PMS1: variants seen among roughly 807,000 people sequenced by gnomAD.
PMS1 encodes the protein PMS1 protein homolog 1.
In PMS1, 79 loss-of-function variants were observed where a neutral mutation model predicts 93.1. The observed-to-expected ratio is 0.85, with a 90% CI of 0.71 to 1.02. The LOEUF (loss-of-function observed/expected upper bound fraction) is 1.02, where lower values mean the gene tolerates loss of function less well. Among genes scored for constraint, PMS1 ranks in the 50% least tolerant of loss-of-function variants. PMS1 has a pLI of 0.00. For synonymous variants in PMS1, 335 were observed against 363.4 expected (o/e 0.92, Z 0.89); for missense variants, 1,064 against 1,085.3 (o/e 0.98, Z 0.28).
At chr2:189,860,248 C>CA (rs1472342040) in intron 9 of PMS1, among the ~76,000 whole-genome samples, 1 of 152,218 alleles carries the variant, frequency 6.6e-6, no homozygotes, top group East Asian at 1.9e-4. Context: ...TCTCCACAGG[C>CA]AGCCACTCTT....
rs780079764 is a variant in PMS1 at position 189,852,776 on chromosome 2, A to C, written c.821A>C (p.Lys274Thr). The C allele has an allele frequency of 6.3e-7, 1 of 1,579,550 alleles. No homozygotes were observed. Among genetic ancestry groups the C allele is most frequent in the Non-Finnish European group, 8.7e-7 (1 of 1,148,986 alleles). Residue 274 changes from lysine (K) to threonine (T), a missense_variant and splice_region_variant, in exon 7 of 13, where the codon AAG becomes ACG. Physicochemically the swap from Lys to Thr is moderately conservative, Grantham distance 78. Transcript: ENST00000441310. The part of the protein sequence containing the change: ...SRPVHQKDIL[K>T]LIRHHYNLKC... ...CCAGTACATCAAAAAGATATCTTAA[A>C]GGTAGTATGCTTTAGAAAAAAAAAA...
chr2:189,794,804 GA>G (rs1171594520), intron 2 of PMS1, among the ~76,000 whole-genome samples: 1 of 152,062 alleles, frequency 6.6e-6, no homozygotes, highest in African/African-American at 2.4e-5. Context: ...TTGAGATTTT[GA>G]AAAGATTTTC....
At chr2:189,866,449 C>G (rs1159303527) in intron 10 of PMS1, among the ~76,000 whole-genome samples, 2 of 152,066 alleles carry the variant, frequency 1.3e-5, no homozygotes, top group African/African-American at 4.8e-5. Flanking sequence ...ATCCCCATCA[C>G]AGTTAATGAT....
At chr2:189,795,690 C>A (rs1413467477) in intron 2 of PMS1, 79 bp from the exon 3 acceptor site, 35 of 1,143,926 alleles carry the variant, frequency 3.1e-5, no homozygotes, top group Non-Finnish European at 3.9e-5. Flanking sequence ...TGTCAAAATT[C>A]TTTCACTTGT....
In PMS1 at chr2:189,800,755, C is replaced by T. The variant is rs914594172; in HGVS notation, c.315+4804C>T. Among the ~76,000 whole-genome samples, 6 of 152,104 alleles carry T rather than the reference C, an allele frequency of 3.9e-5. No homozygotes were observed. In the South Asian group the frequency reaches 1.2e-3, roughly 32 times the overall value. Reference sequence around the variant, plus strand: ...GTAAACCATCCTAGGCTCAGTGGATCGATATGTAATTGGGCACACTATTAA... The same window carrying T: ...GTAAACCATCCTAGGCTCAGTGGATTGATATGTAATTGGGCACACTATTAA... On this transcript the variant is annotated intron_variant, in intron 3 of 12. Transcript: ENST00000441310.
At chr2:189,805,285 CA>C (rs1292494836) in intron 3 of PMS1, among the ~76,000 whole-genome samples, 12 of 152,144 alleles carry the variant, frequency 7.9e-5, no homozygotes, top group Middle Eastern at 3.4e-3. Context: ...CATTTACCAA[CA>C]AATTTATGGA....
chr2:189,862,648 T>C (rs2056141503), intron 9 of PMS1, among the ~76,000 whole-genome samples: 1 of 152,230 alleles, frequency 6.6e-6, no homozygotes, highest in Non-Finnish European at 1.5e-5. Context: ...TACTGACAGA[T>C]CACCTTGAGC....
chr2:189,841,294 T>G (rs1368272094), intron 5 of PMS1, among the ~76,000 whole-genome samples: 1 of 152,188 alleles, frequency 6.6e-6, no homozygotes, highest in Non-Finnish European at 1.5e-5. Flanking sequence ...AGAATAAGGT[T>G]TTCATAAATT....
chr2:189,852,781 G>C lies in PMS1; in HGVS notation c.822+4G>C, dbSNP rs2054879672. 6.4e-7 allele frequency: 1 copy of C among 1,569,120 alleles called. No individual in the cohort carries two copies. The highest frequency in any genetic ancestry group is 8.8e-7 in the Non-Finnish European group (1 of 1,140,578). ...ACATCAAAAAGATATCTTAAAGGTA[G>C]TATGCTTTAGAAAAAAAAAATTATT... On this transcript the variant is annotated splice_donor_region_variant and intron_variant, in intron 7 of 12. Coordinates refer to ENST00000441310, the MANE Select transcript of PMS1 (RefSeq NM_000534.5).
chr2:189,786,966 T>C (rs2048404273), intron 1 of PMS1, among the ~76,000 whole-genome samples: 1 of 152,086 alleles, frequency 6.6e-6, no homozygotes, highest in African/African-American at 2.4e-5. Context: ...GGCAGGAGAA[T>C]CGCTTGAACC....
intron 9 of PMS1, among the ~76,000 whole-genome samples, chr2:189,859,247 C>G (rs535487278): frequency 1.1e-3 from 173 of 152,250 alleles, no homozygotes; most frequent in African/African-American, 4.0e-3. Context: ...ATTCTAAGTA[C>G]TTGGCACACT....
rs760761733 is a variant in PMS1 at position 189,818,169 on chromosome 2, G to T, written c.571G>T (p.Val191Leu). 4 of 1,588,382 alleles carry T rather than the reference G, an allele frequency of 2.5e-6. 1 individual carries two copies. The South Asian group carries it at 4.4e-5, about 18-fold the overall frequency. Residue 191 changes from valine (V) to leucine (L), a missense_variant, in exon 5 of 13, where the codon GTA (valine) becomes TTA (leucine). Transcript: ENST00000441310. Reference protein sequence around the residue: ...ILKPDLRIVFVHNKAVIWQKS... With the variant: ...ILKPDLRIVFLHNKAVIWQKS... ...TAAACCTGACTTAAGGATTGTCTTT[G>T]TACATAACAAGGTAAACATTATTTT...
chr2:189,871,221 G>A (rs1227525640), intron 11 of PMS1, among the ~76,000 whole-genome samples: 1 of 152,116 alleles, frequency 6.6e-6, no homozygotes, highest in African/African-American at 2.4e-5. Flanking sequence ...AAGGGCAGAG[G>A]TGTCCAATCT....
intron 4 of PMS1, 69 bp downstream of exon 4, chr2:189,805,823 A>AT: frequency 5.6e-6 from 9 of 1,594,398 alleles, no homozygotes; most frequent in Non-Finnish European, 6.9e-6. Context: ...TAAAAAAAAA[A>AT]AGTTACTCGG....
intron 12 of PMS1, among the ~76,000 whole-genome samples, chr2:189,875,922 C>G (rs2106555433): frequency 7.1e-6 from 1 of 140,088 alleles, no homozygotes; most frequent in Admixed American, 7.3e-5. Flanking sequence ...GCACACTGCA[C>G]TCCAGCCTGG....
At chr2:189,826,750 A>G (rs1396612212) in intron 5 of PMS1, among the ~76,000 whole-genome samples, 4 of 151,912 alleles carry the variant, frequency 2.6e-5, no homozygotes, top group African/African-American at 7.3e-5. Flanking sequence ...TTTCTTTCCT[A>G]TTTGACAGCC....
rs553932162 is a variant in PMS1 at position 189,840,311 on chromosome 2, C to T, written c.583-3653C>T. ...AAGTGAGGTGCAGAAACAGCTGGAT[C>T]GGTTATAACTTAGTGTTTGCCTTAT... On this transcript the variant is annotated intron_variant, in intron 5 of 12. Transcript: ENST00000441310. 3.1e-4 allele frequency among the ~76,000 whole-genome samples: 47 copies of T among 152,236 alleles called. 1 individual carries two copies. In the South Asian group the frequency reaches 9.3e-3, roughly 30 times the overall value.
chr2:189,815,827 G>C (rs1385165923), intron 4 of PMS1, among the ~76,000 whole-genome samples: 1 of 152,148 alleles, frequency 6.6e-6, no homozygotes, highest in East Asian at 1.9e-4. Flanking sequence ...ACCCACATTA[G>C]CATCTTCTGT....
At chr2:189,818,885 T>C (rs2051565154) in intron 5 of PMS1, among the ~76,000 whole-genome samples, 1 of 152,242 alleles carries the variant, frequency 6.6e-6, no homozygotes, top group African/African-American at 2.4e-5. Flanking sequence ...TTTTTCACCC[T>C]CTACACTGTT....
Sources: gnomAD v4.1 joint callset for allele counts (sites outside exome capture counted in the v4.1 genomes callset) on GRCh38, gnomAD v4.1.1 for gene constraint, MANE v1.5 for transcripts, NCBI Gene and HGNC (gene_info 2026-07-23, HGNC 2026-07-21) for gene names.